SEC24B: variants seen among roughly 807,000 people sequenced by gnomAD.
The protein encoded by SEC24B is protein transport protein Sec24B.
Under a neutral mutation model 142.8 loss-of-function variants are expected in SEC24B, and 45 were observed. That is an observed-to-expected ratio of 0.32 (90% confidence interval 0.25 to 0.40). The LOEUF (loss-of-function observed/expected upper bound fraction) is 0.40, where lower values mean the gene tolerates loss of function less well. Ranked by LOEUF, SEC24B falls within the 10% of genes least tolerant of loss-of-function variation. SEC24B has a pLI of 1.00. For synonymous variants in SEC24B, 574 were observed against 568.2 expected, an observed-to-expected ratio of 1.01 and a Z score of -0.15; for missense variants, 1,409 against 1,526.8, an observed-to-expected ratio of 0.92 and a Z score of 1.29.
At chr4:109,474,507 C>T (rs914194762) in intron 3 of SEC24B, among the ~76,000 whole-genome samples, 1 of 151,788 alleles carries the variant, frequency 6.6e-6, no homozygotes, top group African/African-American at 2.4e-5. Flanking sequence ...TCACTGCAGC[C>T]TCTGCCTCCT....
chr4:109,435,719 C>T (rs1156330045), intron 1 of SEC24B, among the ~76,000 whole-genome samples: 1 of 152,166 alleles, frequency 6.6e-6, no homozygotes, highest in African/African-American at 2.4e-5. Flanking sequence ...CACTACTTTC[C>T]TTTAATGTTG....
intron 18 of SEC24B, among the ~76,000 whole-genome samples, chr4:109,529,986 G>A (rs1382050385): frequency 6.6e-6 from 1 of 151,922 alleles, no homozygotes; most frequent in Admixed American, 6.6e-5. Flanking sequence ...CTCCCACCTT[G>A]GCCTCCCAAA....
At chr4:109,442,606 A>G (rs541585586) in intron 1 of SEC24B, among the ~76,000 whole-genome samples, 7 of 152,236 alleles carry the variant, frequency 4.6e-5, no homozygotes, top group African/African-American at 1.7e-4. Flanking sequence ...CTTTGATCTG[A>G]CTGAAAAAAA....
intron 1 of SEC24B, among the ~76,000 whole-genome samples, chr4:109,453,978 C>T (rs962487724): frequency 2.6e-5 from 4 of 152,128 alleles, no homozygotes; most frequent in Admixed American, 2.0e-4. Context: ...CTGCCTCAGC[C>T]TCCCAAATAG....
Position 109,433,920 on chromosome 4 carries a change from GC to G in SEC24B, c.54del (p.Lys19SerfsTer60). ...SHPAASARIPPKFGGAAVSGA... is the reference protein window; with the variant it reads ...SHPAASARIPXKFGGAAVSGA... Reference sequence around the variant, plus strand: ...ACCCGGCCGCCAGCGCCCGGATCCCGCCCAAGTTCGGCGGAGCGGCCGTCTC... The same window carrying G: ...ACCCGGCCGCCAGCGCCCGGATCCCGCCAAGTTCGGCGGAGCGGCCGTCTC... On this transcript the variant is annotated frameshift_variant, in exon 1 of 24. Coordinates refer to ENST00000265175, the MANE Select transcript of SEC24B (RefSeq NM_006323.5). LOFTEE classifies it high-confidence loss of function. 1 of 1,317,726 alleles carries G rather than the reference GC, an allele frequency of 7.6e-7. No individual in the cohort carries two copies. 81.6% of individuals were successfully genotyped at this position (1,317,726 alleles called of 1,614,324 possible).
Position 109,540,283 on chromosome 4 carries a change from CTG to C in SEC24B, c.*611_*612del, listed in dbSNP as rs1366122533. On this transcript the variant is annotated 3_prime_UTR_variant, in exon 24 of 24. Coordinates refer to ENST00000265175, the MANE Select transcript of SEC24B (RefSeq NM_006323.5). ...AACTATAGCATATGAATTGCTTAAA[CTG>C]TGCTGCATTGTTGGATGACAACTCT... 1 of 152,644 alleles carries C rather than the reference CTG, an allele frequency of 6.6e-6. No individual in the cohort carries two copies. The highest frequency in any genetic ancestry group is 1.5e-5 in the Non-Finnish European group (1 of 68,050). 9.5% of individuals were successfully genotyped at this position (152,644 alleles called of 1,614,324 possible). A position where few individuals can be genotyped will look rare whatever the true frequency, so the allele number is the denominator to read the frequency against.
At chr4:109,464,048 A>G (rs1279296264) in intron 2 of SEC24B, among the ~76,000 whole-genome samples, 3 of 152,162 alleles carry the variant, frequency 2.0e-5, no homozygotes, top group South Asian at 4.1e-4. Flanking sequence ...CTTAGAAAAA[A>G]GGATGGTTTG....
intron 4 of SEC24B, among the ~76,000 whole-genome samples, chr4:109,487,154 A>G (rs1389401496): frequency 1.4e-5 from 2 of 145,996 alleles, no homozygotes; most frequent in Admixed American, 7.0e-5. Flanking sequence ...GACAAGAGTG[A>G]GACTCTGTCT....
At chr4:109,463,900 C>T (rs1731580569) in intron 2 of SEC24B, among the ~76,000 whole-genome samples, 2 of 152,146 alleles carry the variant, frequency 1.3e-5, no homozygotes, top group Admixed American at 1.3e-4. Flanking sequence ...TTTTATACAT[C>T]TGCAATAGTT....
intron 14 of SEC24B, 54 bp downstream of exon 14, chr4:109,521,680 T>A: frequency 2.4e-6 from 3 of 1,263,648 alleles, no homozygotes; most frequent in Non-Finnish European, 3.3e-6. Context: ...TATTTGTTTA[T>A]TCTATTTCAT....
intron 6 of SEC24B, among the ~76,000 whole-genome samples, chr4:109,496,780 C>T (rs1370341749): frequency 6.6e-6 from 1 of 152,152 alleles, no homozygotes; most frequent in Non-Finnish European, 1.5e-5. Context: ...TTCTCTGCCT[C>T]CCATTTTGCT....
chr4:109,530,694 G>A (rs1219622181), intron 19 of SEC24B, among the ~76,000 whole-genome samples: 2 of 151,880 alleles, frequency 1.3e-5, no homozygotes, highest in African/African-American at 2.4e-5. Flanking sequence ...CTGATGCCAG[G>A]AGTTTGCAAC....
intron 1 of SEC24B, among the ~76,000 whole-genome samples, chr4:109,448,878 T>C (rs1480857963): frequency 6.6e-6 from 1 of 152,226 alleles, no homozygotes; most frequent in Non-Finnish European, 1.5e-5. Context: ...GATATCATGT[T>C]GCATTTAGTT....
intron 1 of SEC24B, among the ~76,000 whole-genome samples, chr4:109,441,875 C>T (rs1289778204): frequency 2.0e-5 from 3 of 152,206 alleles, no homozygotes; most frequent in African/African-American, 4.8e-5. Flanking sequence ...GTGACTGGAA[C>T]AGTTACCTTC....
Position 109,473,189 on chromosome 4 carries a change from A to T in SEC24B, c.1060+3A>T. 1.9e-6 allele frequency: 3 copies of T among 1,552,572 alleles called. No individual in the cohort carries two copies. Among genetic ancestry groups the T allele is most frequent in the Non-Finnish European group, 2.6e-6 (3 of 1,148,494 alleles). On this transcript the variant is annotated splice_donor_region_variant and intron_variant, in intron 3 of 23. Coordinates refer to ENST00000265175, the MANE Select transcript of SEC24B (RefSeq NM_006323.5). ...ATCAGAGCTATTACAACAAAAAGGT[A>T]TTTGAGATATTTATTATTGTATATG... is the stretch of plus-strand genomic sequence containing the variant.
rs566159323 is a variant in SEC24B at position 109,530,677 on chromosome 4, G to A, written c.3252+213G>A. On this transcript the variant is annotated intron_variant, in intron 19 of 23. Transcript: ENST00000265175. ...AGCACTTTGGGAGGCCGAGGTGTGC[G>A]GATCAGCTGATGCCAGGAGTTTGCA... Among the ~76,000 whole-genome samples the A allele has an allele frequency of 1.8e-4, 27 of 152,010 alleles. No homozygotes were observed. In the South Asian group the frequency reaches 5.4e-3, roughly 30 times the overall value.
intron 23 of SEC24B, among the ~76,000 whole-genome samples, chr4:109,539,263 AT>A (rs1170568569): frequency 3.3e-5 from 5 of 150,842 alleles, no homozygotes; most frequent in African/African-American, 9.8e-5. Flanking sequence ...CGCCCGGCCA[AT>A]TTTAAAAATT....
At chr4:109,515,012 C>G (rs1737777055) in intron 10 of SEC24B, among the ~76,000 whole-genome samples, 1 of 152,146 alleles carries the variant, frequency 6.6e-6, no homozygotes, top group African/African-American at 2.4e-5. Flanking sequence ...CCTTAGGAAT[C>G]TTAATCTAAT....
rs757378457 is a variant in SEC24B, at chr4:109,524,799, A to G, written c.2509-19A>G. On this transcript the variant is annotated intron_variant, in intron 14 of 23. Coordinates refer to ENST00000265175, the MANE Select transcript of SEC24B (RefSeq NM_006323.5). The stretch of plus-strand genomic sequence containing the variant: ...AGCATAAAGATTGCTAGCTCTTACT[A>G]TATGATCTGTTGACTTAGGTGGTAC... 3.1e-6 allele frequency: 5 copies of G among 1,601,696 alleles called. No individual in the cohort carries two copies. Among genetic ancestry groups the G allele is most frequent in the East Asian group, 4.5e-5 (2 of 44,378 alleles).
Sources: gnomAD v4.1 joint callset for allele counts (sites outside exome capture counted in the v4.1 genomes callset) on GRCh38, gnomAD v4.1.1 for gene constraint, MANE v1.5 for transcripts, NCBI Gene and HGNC (gene_info 2026-07-23, HGNC 2026-07-21) for gene names.